The following PRKCG variants were observed in gnomAD, a reference collection of about 807,000 sequenced individuals.
PRKCG encodes the protein protein kinase C gamma.
Under a neutral mutation model 82.0 loss-of-function variants are expected in PRKCG, and 28 were observed. That is an observed-to-expected ratio of 0.34 (90% CI 0.25 to 0.47). The LOEUF (loss-of-function observed/expected upper bound fraction) is 0.47. PRKCG is among the 20% of genes least tolerant of loss of function. PRKCG has a pLI of 1.00. For missense variants in PRKCG, 640 were observed against 952.7 expected (o/e 0.67, Z 4.32); for synonymous variants, 383 against 376.6 (o/e 1.02, Z -0.20).
In PRKCG at chr19:53,907,379, G is replaced by A; in HGVS notation, c.*484G>A. On this transcript the variant is annotated 3_prime_UTR_variant, in exon 18 of 18. Transcript: ENST00000263431. Reference sequence around the variant, plus strand: ...GAGGCGTGCCCCCCTCCTCCAGTACGTCCCGCTGCTGTGCTCTGGGGATTT... The same window carrying A: ...GAGGCGTGCCCCCCTCCTCCAGTACATCCCGCTGCTGTGCTCTGGGGATTT... The A allele has an allele frequency of 4.9e-6, 1 of 204,084 alleles. No individual in the cohort carries two copies. The highest frequency in any genetic ancestry group is 1.3e-4 in the East Asian group (1 of 7,464). 12.6% of individuals were successfully genotyped at this position (204,084 alleles called of 1,614,324 possible).
At chr19:53,903,814 A>C (rs1256812846) in intron 15 of PRKCG, among the ~76,000 whole-genome samples, 1 of 152,262 alleles carries the variant, frequency 6.6e-6, no homozygotes, top group African/African-American at 2.4e-5. Context: ...ATTTAATTGA[A>C]TCTAACAACC....
chr19:53,904,510 G>A, intron 15 of PRKCG, 125 bp from the exon 16 acceptor site: 1 of 759,552 alleles, frequency 1.3e-6, no homozygotes, highest in East Asian at 2.7e-5. Context: ...TGAGGGTGTG[G>A]TCAGGTGTGC....
Position 53,892,752 on chromosome 19 carries a change from G to GCGCACAAACACA in PRKCG, c.821+110_821+111insGCACAAACACAC. On this transcript the variant is annotated intron_variant, in intron 7 of 17. Coordinates refer to ENST00000263431, the MANE Select transcript of PRKCG (RefSeq NM_002739.5). The surrounding 1 kb of genome is among the most constrained non-coding windows in gnomAD (Gnocchi z 5.9). Reference sequence around the variant, plus strand: ...TCCTTCCCTCTGCCTCCCAGCATGCGCACACACACACACACACACACACAC... The same window carrying GCGCACAAACACA: ...TCCTTCCCTCTGCCTCCCAGCATGCGCGCACAAACACACACACACACACACACACACACACAC... 9.1e-7 allele frequency: 1 copy of GCGCACAAACACA among 1,097,156 alleles called. No homozygotes were observed. The highest frequency in any genetic ancestry group is 1.5e-5 in the South Asian group (1 of 67,132). The allele number at this position is 1,097,156 out of a possible 1,614,324, so 68.0% of individuals were successfully genotyped here. A position where few individuals can be genotyped will look rare whatever the true frequency, so the allele number is the denominator to read the frequency against.
Position 53,904,639 on chromosome 19 carries a change from C to T in PRKCG, c.1661C>T (p.Pro554Leu), listed in dbSNP as rs2068788285. The stretch of plus-strand genomic sequence containing the variant: ...CTATCCCCTCCACTTTGATAGCCTC[C>T]CTTCGATGGGGAGGACGAGGAGGAG... ...LLYEMLAGQP[P>L]FDGEDEEELF... The change falls in exon 16 of 18, where the codon CCC (proline) becomes CTC (leucine). Residue 554 changes from proline (P) to leucine (L), a missense_variant. Coordinates refer to ENST00000263431, the MANE Select transcript of PRKCG (RefSeq NM_002739.5). 1 of 1,612,812 alleles carries T rather than the reference C, an allele frequency of 6.2e-7. No individual in the cohort carries two copies.
At chr19:53,897,762 G>T (rs2068728018) in intron 9 of PRKCG, among the ~76,000 whole-genome samples, 197 bp from the exon 10 acceptor site, 1 of 151,710 alleles carries the variant, frequency 6.6e-6, no homozygotes, top group Admixed American at 6.6e-5. Context: ...CTAAGTGTTT[G>T]TTGAATAATA....
At chr19:53,899,892 T>G (rs2068750094) in intron 11 of PRKCG, among the ~76,000 whole-genome samples, 1 of 152,220 alleles carries the variant, frequency 6.6e-6, no homozygotes, top group African/African-American at 2.4e-5. Context: ...CAGCTGCAAC[T>G]TTGATTCTTA....
chr19:53,883,169 C>T lies in PRKCG; in HGVS notation c.177C>T (p.Ile59=). The T allele has an allele frequency of 6.2e-7, 1 of 1,613,908 alleles. No individual in the cohort carries two copies. The highest frequency in any genetic ancestry group is 1.3e-5 in the African/African-American group (1 of 74,982). ...GGATCCCTGACTCTTCCAGGGGTATCGGAAAGCAGGGCCTGCAATGTCAAG... is the reference window on the plus strand; with the variant it reads ...GGATCCCTGACTCTTCCAGGGGTATTGGAAAGCAGGGCCTGCAATGTCAAG... ...CSHCTDFIWG[I]GKQGLQCQVC... is the part of the protein sequence containing the mutation. Residue 59 remains isoleucine, a synonymous_variant, in exon 2 of 18, where the codon ATC becomes ATT. Transcript: ENST00000263431. This position sits in a 1 kb window ranked among gnomAD's most constrained non-coding sequence, Gnocchi z 5.4.
chr19:53,897,741 GA>G lies in PRKCG; in HGVS notation c.940-211del, dbSNP rs199777871. On this transcript the variant is annotated intron_variant, in intron 9 of 17. Coordinates refer to ENST00000263431, the MANE Select transcript of PRKCG (RefSeq NM_002739.5). ...TAAGCTATCTAAAAAAAAAAAAGAAGAAAAAAAGAGCTAAGTGTTTGTTGAA... is the reference window on the plus strand; with the variant it reads ...TAAGCTATCTAAAAAAAAAAAAGAAGAAAAAAGAGCTAAGTGTTTGTTGAA... 0.049 allele frequency among the ~76,000 whole-genome samples: 7,399 copies of G among 151,438 alleles called. 585 individuals carry two copies. The highest frequency in any genetic ancestry group is 0.17 in the African/African-American group (6,807 of 41,198).
chr19:53,885,585 C>T (rs975709017), intron 3 of PRKCG, among the ~76,000 whole-genome samples: 6 of 152,156 alleles, frequency 3.9e-5, no homozygotes, highest in African/African-American at 1.4e-4. Flanking sequence ...AATGGGACAG[C>T]ACACATCTGG....
chr19:53,885,216 C>T (rs1403010977), intron 3 of PRKCG, among the ~76,000 whole-genome samples: 1 of 151,950 alleles, frequency 6.6e-6, no homozygotes, highest in Non-Finnish European at 1.5e-5. Context: ...TTTGAATTGG[C>T]TTAAATTTTT....
Position 53,884,157 on chromosome 19 carries a change from A to T in PRKCG, c.203-4A>T, listed in dbSNP as rs750561982. 4.3e-6 allele frequency: 7 copies of T among 1,613,902 alleles called. No homozygotes were observed. The highest frequency in any genetic ancestry group is 1.7e-5 in the Admixed American group (1 of 60,008). On this transcript the variant is annotated splice_polypyrimidine_tract_variant and splice_region_variant and intron_variant, in intron 2 of 17. Coordinates refer to ENST00000263431, the MANE Select transcript of PRKCG (RefSeq NM_002739.5). This position sits in a 1 kb window ranked among gnomAD's most constrained non-coding sequence, Gnocchi z 4.6. ...GTCTGTGTCTCTATGATTTTCATCTATAGTCTGCAGCTTTGTGGTTCATCG... is the reference window on the plus strand; with the variant it reads ...GTCTGTGTCTCTATGATTTTCATCTTTAGTCTGCAGCTTTGTGGTTCATCG...
Position 53,900,737 on chromosome 19 carries a change from C to T in PRKCG, c.1563C>T (p.Tyr521=), listed in dbSNP as rs564995487. ...GCACCTTCTGCGGGACCCCGGACTA[C>T]ATAGCCCCGGAGGTAACCCCAACCC... ...TTRTFCGTPD[Y]IAPEIIAYQP... The change falls in exon 14 of 18, where the codon TAC becomes TAT. Residue 521 remains tyrosine, a synonymous_variant. Transcript: ENST00000263431. This position sits in a 1 kb window ranked among gnomAD's most constrained non-coding sequence, Gnocchi z 4.2. 8.1e-6 allele frequency: 13 copies of T among 1,614,214 alleles called. No homozygotes were observed. In the Admixed American group the frequency reaches 1.5e-4, roughly 19 times the overall value.
At chr19:53,905,113 A>C (rs981959993) in intron 16 of PRKCG, among the ~76,000 whole-genome samples, 1 of 152,130 alleles carries the variant, frequency 6.6e-6, no homozygotes, top group Non-Finnish European at 1.5e-5. Flanking sequence ...AACTCTCTTC[A>C]GGGGTTATGG....
intron 11 of PRKCG, among the ~76,000 whole-genome samples, chr19:53,899,802 G>A (rs941471774): frequency 2.6e-5 from 4 of 152,134 alleles, no homozygotes; most frequent in Non-Finnish European, 5.9e-5. Flanking sequence ...GGCCAGGCTG[G>A]TCTGGAACTC....
chr19:53,894,280 T>C (rs1271525077), intron 9 of PRKCG, among the ~76,000 whole-genome samples: 7 of 148,572 alleles, frequency 4.7e-5, no homozygotes, highest in African/African-American at 1.7e-4. Flanking sequence ...TTAGCCAGGA[T>C]GGTCTCGATC....
At chr19:53,898,739 G>A in intron 11 of PRKCG, 111 bp downstream of exon 11, 1 of 1,073,428 alleles carries the variant, frequency 9.3e-7, no homozygotes, top group Admixed American at 2.2e-5. Flanking sequence ...TGTGCTCTCT[G>A]AGTGGGCGAG....
At chr19:53,903,759 A>T (rs2068781738) in intron 15 of PRKCG, among the ~76,000 whole-genome samples, 4 of 152,234 alleles carry the variant, frequency 2.6e-5, no homozygotes, top group Admixed American at 2.0e-4. Flanking sequence ...ACAAACAAAC[A>T]AAAGAAATCA....
At position 53,906,010 on chromosome 19, in the gene PRKCG, G is replaced by A. The variant is rs1276569185; in HGVS notation, c.1765-307G>A. 6.9e-3 allele frequency among the ~76,000 whole-genome samples: 557 copies of A among 80,526 alleles called. 17 individuals are homozygous for A. The highest frequency in any genetic ancestry group is 0.041 in the African/African-American group (504 of 12,146). The allele number at this position is 80,526 out of a possible 152,430, so 52.8% of individuals were successfully genotyped here. A position where few individuals can be genotyped will look rare whatever the true frequency, so the allele number is the denominator to read the frequency against. ...TCTCCTCTCTGTCTCTCTCTGTCTCGCTCTCTGTCTGTCTCCCTCCTCCTC... is the reference window on the plus strand; with the variant it reads ...TCTCCTCTCTGTCTCTCTCTGTCTCACTCTCTGTCTGTCTCCCTCCTCCTC... On this transcript the variant is annotated intron_variant, in intron 16 of 17. Coordinates refer to ENST00000263431, the MANE Select transcript of PRKCG (RefSeq NM_002739.5).
intron 9 of PRKCG, among the ~76,000 whole-genome samples, chr19:53,894,916 C>T (rs2123002328): frequency 6.6e-6 from 1 of 152,286 alleles, no homozygotes. Flanking sequence ...CAGCCTCAGG[C>T]ACTGGGGCGT....
Sources: gnomAD v4.1 joint callset for allele counts (sites outside exome capture counted in the v4.1 genomes callset) on GRCh38, gnomAD v4.1.1 for gene constraint, Gnocchi (gnomAD v3.1) non-coding constraint, MANE v1.5 for transcripts, NCBI Gene and HGNC (gene_info 2026-07-23, HGNC 2026-07-21) for gene names.